ARHGAP42: variants seen among roughly 807,000 people sequenced by gnomAD.
ARHGAP42 encodes rho GTPase-activating protein 42.
ARHGAP42 carries 63 observed loss-of-function variants against 125.0 expected under a neutral mutation model. That is an observed-to-expected ratio of 0.50 (90% CI 0.41 to 0.62). The LOEUF (loss-of-function observed/expected upper bound fraction) is 0.62, where lower values mean the gene tolerates loss of function less well. ARHGAP42 is among the 20% of genes least tolerant of loss of function. The pLI is 0.00. For missense variants in ARHGAP42, 766 were observed against 1,024.2 expected, an observed-to-expected ratio of 0.75 and a Z score of 3.44; for synonymous variants, 339 against 351.0, an observed-to-expected ratio of 0.97 and a Z score of 0.38.
chr11:100,710,915 A>G (rs1414854951), intron 1 of ARHGAP42, among the ~76,000 whole-genome samples: 1 of 151,980 alleles, frequency 6.6e-6, no homozygotes, highest in Non-Finnish European at 1.5e-5. Context: ...GTTCTGTTCA[A>G]CCCTGTGGTG....
At chr11:100,841,276 T>G (rs1196893444) in intron 3 of ARHGAP42, among the ~76,000 whole-genome samples, 1 of 152,144 alleles carries the variant, frequency 6.6e-6, no homozygotes, top group Non-Finnish European at 1.5e-5. Context: ...ATTTACTTGT[T>G]GAGTTATTGA....
intron 2 of ARHGAP42, among the ~76,000 whole-genome samples, chr11:100,771,661 C>G (rs566900108): frequency 4.0e-5 from 6 of 151,680 alleles, no homozygotes; most frequent in African/African-American, 1.5e-4. Context: ...TGCAGTGGCA[C>G]GATCTCGGCT....
chr11:100,789,030 G>A (rs1565214608), intron 2 of ARHGAP42, among the ~76,000 whole-genome samples: 2 of 152,040 alleles, frequency 1.3e-5, no homozygotes, highest in Admixed American at 1.3e-4. Context: ...TTTTCTTGGT[G>A]TGGCCAGGTC....
chr11:100,932,095 A>G (rs1867595739), intron 6 of ARHGAP42, among the ~76,000 whole-genome samples: 1 of 152,176 alleles, frequency 6.6e-6, no homozygotes, highest in Non-Finnish European at 1.5e-5. Flanking sequence ...ACTTGTTTGT[A>G]GGAAGAAAAG....
intron 12 of ARHGAP42, among the ~76,000 whole-genome samples, chr11:100,959,248 G>A (rs1857893094): frequency 1.3e-5 from 2 of 152,038 alleles, no homozygotes; most frequent in Non-Finnish European, 2.9e-5. Flanking sequence ...AGAAAATCTA[G>A]CCAAAAAACA....
At chr11:100,720,320 T>A (rs899145046) in intron 1 of ARHGAP42, among the ~76,000 whole-genome samples, 3 of 152,192 alleles carry the variant, frequency 2.0e-5, no homozygotes, top group Non-Finnish European at 4.4e-5. Context: ...AAGGTGGGAT[T>A]CCATATGTAA....
chr11:100,878,357 T>A (rs1376265511), intron 4 of ARHGAP42, among the ~76,000 whole-genome samples: 1 of 152,044 alleles, frequency 6.6e-6, no homozygotes, highest in Non-Finnish European at 1.5e-5. Flanking sequence ...CCTTTTGGGT[T>A]ATATTGATAC....
At position 100,921,563 on chromosome 11, in the gene ARHGAP42, C is replaced by G. The variant is rs543699747; in HGVS notation, c.556C>G (p.Gln186Glu). The G allele has an allele frequency of 1.9e-6, 3 of 1,544,058 alleles. No homozygotes were observed. Among genetic ancestry groups the G allele is most frequent in the Non-Finnish European group, 2.6e-6 (3 of 1,143,694 alleles). ...ATCATTAGAATATGTCTTTAAAATT[C>G]AAGAGGTCCAAGAAAAAAAGAAGTT... ...EASLEYVFKIQEVQEKKKFEF... is the reference protein window; with the variant it reads ...EASLEYVFKIEEVQEKKKFEF... The change falls in exon 6 of 24, where the codon CAA (glutamine) becomes GAA (glutamate). Residue 186 changes from glutamine (Q) to glutamate (E), a missense_variant. By Grantham distance (29) the Gln-to-Glu change is conservative (BLOSUM62 2). Around this residue, in one of 3 missense-constraint regions of ARHGAP42, gnomAD observed 455 missense variants for 636.5 expected, o/e 0.71. Transcript: ENST00000298815.
chr11:100,966,771 C>A (rs1339650306), intron 17 of ARHGAP42, among the ~76,000 whole-genome samples: 1 of 152,088 alleles, frequency 6.6e-6, no homozygotes, highest in East Asian at 1.9e-4. Flanking sequence ...GAGAGAGAGA[C>A]AAACACATAT....
At chr11:100,816,312 T>A (rs1434400122) in intron 3 of ARHGAP42, among the ~76,000 whole-genome samples, 2 of 151,952 alleles carry the variant, frequency 1.3e-5, no homozygotes, top group African/African-American at 2.4e-5. Flanking sequence ...CACTAACACT[T>A]GTTTTTTTGT....
chr11:100,848,694 C>T (rs1591235088), intron 3 of ARHGAP42, among the ~76,000 whole-genome samples: 3 of 152,016 alleles, frequency 2.0e-5, no homozygotes. Context: ...TTAGTAGAGA[C>T]AGGGTTTTAC....
chr11:100,744,918 A>T (rs2120351573), intron 1 of ARHGAP42, among the ~76,000 whole-genome samples: 1 of 152,316 alleles, frequency 6.6e-6, no homozygotes, highest in Middle Eastern at 3.4e-3. Context: ...GACAAGGGAC[A>T]GGGGAGTTCT....
intron 3 of ARHGAP42, among the ~76,000 whole-genome samples, chr11:100,803,360 A>T (rs1000333515): frequency 6.6e-6 from 1 of 152,188 alleles, no homozygotes; most frequent in Non-Finnish European, 1.5e-5. Context: ...TGTGTGAGGC[A>T]TTTAAAGCTA....
intron 1 of ARHGAP42, among the ~76,000 whole-genome samples, chr11:100,722,338 G>A (rs1861773975): frequency 6.6e-6 from 1 of 150,660 alleles, no homozygotes; most frequent in African/African-American, 2.4e-5. Flanking sequence ...GTATATTTTG[G>A]ATATAAGTCC....
At chr11:100,831,391 A>G (rs1864660138) in intron 3 of ARHGAP42, among the ~76,000 whole-genome samples, 1 of 152,248 alleles carries the variant, frequency 6.6e-6, no homozygotes, top group Non-Finnish European at 1.5e-5. Flanking sequence ...TTACTAAGAA[A>G]AACACGGAAC....
intron 14 of ARHGAP42, 115 bp downstream of exon 14, chr11:100,961,104 C>A: frequency 3.2e-6 from 2 of 633,230 alleles, no homozygotes; most frequent in South Asian, 7.5e-5. Flanking sequence ...ATTTAAAGTT[C>A]ATATATGTAT....
intron 3 of ARHGAP42, among the ~76,000 whole-genome samples, chr11:100,807,824 C>T (rs1322499083): frequency 6.6e-6 from 1 of 152,140 alleles, no homozygotes; most frequent in Non-Finnish European, 1.5e-5. Flanking sequence ...GAAATCTTTC[C>T]ATTTTTATCT....
intron 1 of ARHGAP42, among the ~76,000 whole-genome samples, chr11:100,709,122 C>G (rs1299420470): frequency 6.6e-6 from 1 of 152,074 alleles, no homozygotes; most frequent in Admixed American, 6.6e-5. Context: ...TCACTGCAAC[C>G]CCTGCCTCCT....
intron 1 of ARHGAP42, among the ~76,000 whole-genome samples, chr11:100,728,162 C>T (rs1209834058): frequency 5.3e-5 from 8 of 152,052 alleles, no homozygotes; most frequent in Non-Finnish European, 8.8e-5. Flanking sequence ...ATTTTGTTCC[C>T]TCCTAAGAAG....
Sources: gnomAD v4.1 joint callset for allele counts (sites outside exome capture counted in the v4.1 genomes callset) on GRCh38, gnomAD v4.1.1 for gene constraint, gnomAD v4.1.1 regional missense constraint, MANE v1.5 for transcripts, NCBI Gene and HGNC (gene_info 2026-07-23, HGNC 2026-07-21) for gene names.